The following SLAMF8 variants were observed in gnomAD, a reference collection of about 807,000 sequenced individuals.
SLAMF8 encodes the protein B lymphocyte activator macrophage expressed.
Under a neutral mutation model 29.0 loss-of-function variants are expected in SLAMF8, and 23 were observed. That is an observed-to-expected ratio of 0.79 (90% CI 0.57 to 1.13). The LOEUF (loss-of-function observed/expected upper bound fraction) is 1.13, where lower values mean the gene tolerates loss of function less well. Ranked by LOEUF, SLAMF8 falls within the 50% of genes most tolerant of loss-of-function variation. The pLI is 0.00. For missense variants in SLAMF8, 381 were observed against 353.1 expected, an observed-to-expected ratio of 1.08 and a Z score of -0.63; for synonymous variants, 139 against 145.6, an observed-to-expected ratio of 0.96 and a Z score of 0.32.
chr1:159,830,233 A>G, intron 2 of SLAMF8, 41 bp downstream of exon 2: 2 of 1,523,160 alleles, frequency 1.3e-6, no homozygotes, highest in South Asian at 1.3e-5. Flanking sequence ...CTCTTCCCCC[A>G]CAAAGCACCA....
chr1:159,827,531 G>A (rs541555131), intron 1 of SLAMF8, among the ~76,000 whole-genome samples: 55 of 152,286 alleles, frequency 3.6e-4, no homozygotes, highest in African/African-American at 9.4e-4. Context: ...CACACCGGGC[G>A]ATCCCTCTAT....
rs575765716 is a variant in SLAMF8 at position 159,827,015 on chromosome 1, C to A, written c.40+77C>A. On this transcript the variant is annotated intron_variant, in intron 1 of 4. Coordinates refer to ENST00000289707, the MANE Select transcript of SLAMF8 (RefSeq NM_020125.3). ...CAGCTGCCTATGCCAGACGTCTGGG[C>A]AGGGATCCCTCGACCTGGGTGAGAA... 199 of 1,571,198 alleles carry A rather than the reference C, an allele frequency of 1.3e-4. 1 individual carries two copies. Among genetic ancestry groups the A allele is most frequent in the Admixed American group, 8.9e-4 (52 of 58,564 alleles).
At chr1:159,827,520 C>T (rs550250230) in intron 1 of SLAMF8, among the ~76,000 whole-genome samples, 1 of 152,292 alleles carries the variant, frequency 6.6e-6, no homozygotes, top group African/African-American at 2.4e-5. Context: ...GGGGTCTCCT[C>T]CACACCGGGC....
intron 1 of SLAMF8, among the ~76,000 whole-genome samples, chr1:159,827,739 C>T (rs1388930789): frequency 6.6e-6 from 1 of 152,172 alleles, no homozygotes; most frequent in Non-Finnish European, 1.5e-5. Context: ...AGCTCCAAAG[C>T]CTGCAGATTT....
At position 159,830,003 on chromosome 1, in the gene SLAMF8, C is replaced by A. The variant is rs1245565305; in HGVS notation, c.178C>A (p.Leu60Met). Residue 60 changes from leucine (L) to methionine (M), a missense_variant, in exon 2 of 5, where the codon CTG becomes ATG. Leu to Met is a conservative substitution (Grantham distance 15, BLOSUM62 2). Transcript: ENST00000289707. ...ATCTCTCTGGCCTTCAGAAGAGCTCCTGGCCACGTTTTTCCGAGGCTCCCT... is the reference window on the plus strand; with the variant it reads ...ATCTCTCTGGCCTTCAGAAGAGCTCATGGCCACGTTTTTCCGAGGCTCCCT... ...WRSLWPSEEL[L>M]ATFFRGSLET... 6.2e-6 allele frequency: 10 copies of A among 1,614,124 alleles called. No homozygotes were observed. Among genetic ancestry groups the A allele is most frequent in the African/African-American group, 1.3e-5 (1 of 74,950 alleles).
In SLAMF8 at chr1:159,835,319, C is replaced by T. The variant is rs931695063; in HGVS notation, c.*59C>T. The T allele has an allele frequency of 1.2e-4, 189 of 1,578,246 alleles. No homozygotes were observed. In the Middle Eastern group the frequency reaches 1.5e-3, roughly 13 times the overall value. On this transcript the variant is annotated 3_prime_UTR_variant, in exon 5 of 5. Transcript: ENST00000289707. ...AACCCCACTGCACAGGCACACGATG[C>T]TCTGGGACATAACTGGTGCCTGGAA...
In SLAMF8 at chr1:159,836,156, CTG is replaced by C. The variant is rs1647913084; in HGVS notation, c.*897_*898del. The C allele has an allele frequency of 1.0e-6, 1 of 985,218 alleles. No homozygotes were observed. The highest frequency in any genetic ancestry group is 1.2e-6 in the Non-Finnish European group (1 of 829,838). 61.0% of individuals were successfully genotyped at this position (985,218 alleles called of 1,614,324 possible). ...TCAGGATGAGTCTTCCTGCCTGAAA[CTG>C]AGAGAGTGAAGAACCATAAAACGCT... On this transcript the variant is annotated 3_prime_UTR_variant, in exon 5 of 5. Transcript: ENST00000289707.
Position 159,835,689 on chromosome 1 carries a change from G to C in SLAMF8, c.*429G>C. On this transcript the variant is annotated 3_prime_UTR_variant, in exon 5 of 5. Transcript: ENST00000289707. ...AAGATATTACATATTTGAACTAATA[G>C]AGGAACTCTGAGTCACCCATGCCAG... is the stretch of plus-strand genomic sequence containing the variant. 1.0e-6 allele frequency: 1 copy of C among 988,308 alleles called. No homozygotes were observed. The highest frequency in any genetic ancestry group is 1.2e-6 in the Non-Finnish European group (1 of 831,848). The allele number at this position is 988,308 out of a possible 1,614,324, so 61.2% of individuals were successfully genotyped here.
chr1:159,830,794 G>A (rs1335396380), intron 2 of SLAMF8, among the ~76,000 whole-genome samples: 1 of 152,206 alleles, frequency 6.6e-6, no homozygotes, highest in Non-Finnish European at 1.5e-5. Flanking sequence ...GGGCTTCTTA[G>A]AGAGATCTTA....
chr1:159,835,288 A>G lies in SLAMF8; in HGVS notation c.*28A>G, dbSNP rs1647832168. ...GACAATATGAACTGATGCCTGGACT[A>G]TCAGTAACCCCACTGCACAGGCACA... On this transcript the variant is annotated 3_prime_UTR_variant, in exon 5 of 5. Transcript: ENST00000289707. 12 of 1,608,852 alleles carry G rather than the reference A, an allele frequency of 7.5e-6. No homozygotes were observed. The East Asian group carries it at 8.9e-5, about 12-fold the overall frequency.
Position 159,836,038 on chromosome 1 carries a change from C to T in SLAMF8, c.*778C>T. On this transcript the variant is annotated 3_prime_UTR_variant, in exon 5 of 5. Transcript: ENST00000289707. ...TGGGAGTGAGGGTGGAGAGTCTTTCCTCACGCTCCAGCACAGTGGCCAGGA... is the reference window on the plus strand; with the variant it reads ...TGGGAGTGAGGGTGGAGAGTCTTTCTTCACGCTCCAGCACAGTGGCCAGGA... The T allele has an allele frequency of 1.0e-6, 1 of 985,464 alleles. No homozygotes were observed. The highest frequency in any genetic ancestry group is 1.2e-6 in the Non-Finnish European group (1 of 829,956). The allele number at this position is 985,464 out of a possible 1,614,324, so 61.0% of individuals were successfully genotyped here. A position where few individuals can be genotyped will look rare whatever the true frequency, so the allele number is the denominator to read the frequency against.
In SLAMF8 at chr1:159,826,892, G is replaced by A. The variant is rs1386198893; in HGVS notation, c.-7G>A. The A allele has an allele frequency of 1.2e-6, 2 of 1,614,088 alleles. No homozygotes were observed. The highest frequency in any genetic ancestry group is 8.5e-7 in the Non-Finnish European group (1 of 1,179,982). ...TCGAGGGAGTTTGCCTGCCTCTCCA[G>A]AGAAAGATGGTCATGAGGCCCCTGT... On this transcript the variant is annotated 5_prime_UTR_variant, in exon 1 of 5. Transcript: ENST00000289707.
At position 159,836,342 on chromosome 1, in the gene SLAMF8, A is replaced by AG; in HGVS notation, c.*1082_*1083insG. The AG allele has an allele frequency of 1.0e-6, 1 of 985,318 alleles. No homozygotes were observed. The highest frequency in any genetic ancestry group is 6.1e-5 in the Admixed American group (1 of 16,284). 61.0% of individuals were successfully genotyped at this position (985,318 alleles called of 1,614,324 possible). A position where few individuals can be genotyped will look rare whatever the true frequency, so the allele number is the denominator to read the frequency against. On this transcript the variant is annotated 3_prime_UTR_variant, in exon 5 of 5. Transcript: ENST00000289707. ...GGACTGTAGAGGTCACTCTGACTCC[A>AG]TCAAACTTTTTATTGTGGCCATCTT...
At chr1:159,832,334 G>T (rs531732118) in intron 2 of SLAMF8, among the ~76,000 whole-genome samples, 6 of 152,306 alleles carry the variant, frequency 3.9e-5, no homozygotes, top group African/African-American at 1.4e-4. Flanking sequence ...CTAGGAATGT[G>T]TTTGTTTTCT....
chr1:159,829,636 T>C (rs1178734705), intron 1 of SLAMF8, among the ~76,000 whole-genome samples: 1 of 152,234 alleles, frequency 6.6e-6, no homozygotes, highest in Non-Finnish European at 1.5e-5. Flanking sequence ...ACAGAATTCA[T>C]TTTTATTGAT....
intron 1 of SLAMF8, among the ~76,000 whole-genome samples, chr1:159,828,911 C>T (rs1014201566): frequency 1.3e-5 from 2 of 152,178 alleles, no homozygotes; most frequent in African/African-American, 4.8e-5. Context: ...CCCAAAACAG[C>T]ATCTTGCTTT....
At chr1:159,827,402 C>A (rs1557886068) in intron 1 of SLAMF8, among the ~76,000 whole-genome samples, 1 of 152,074 alleles carries the variant, frequency 6.6e-6, no homozygotes. Flanking sequence ...TCCCTACAGG[C>A]CTTTATAAGG....
At position 159,836,385 on chromosome 1, in the gene SLAMF8, C is replaced by T. The variant is rs546934932; in HGVS notation, c.*1125C>T. ...GCCATCTTAGGAAAATACATTCTGC[C>T]CCTGAATGATTCTGTCTAGAAAAGC... On this transcript the variant is annotated 3_prime_UTR_variant, in exon 5 of 5. Transcript: ENST00000289707. 8 of 985,334 alleles carry T rather than the reference C, an allele frequency of 8.1e-6. No homozygotes were observed. In the African/African-American group the frequency reaches 1.4e-4, roughly 17 times the overall value. The allele number at this position is 985,334 out of a possible 1,614,324, so 61.0% of individuals were successfully genotyped here.
At chr1:159,830,315 C>T (rs41264824) in intron 2 of SLAMF8, 123 bp downstream of exon 2, 154,180 of 1,076,000 alleles carry the variant, frequency 0.14, 12,194 homozygotes, top group African/African-American at 0.21. Context: ...ACCATGTTGC[C>T]GACTCAGGGA....
Sources: gnomAD v4.1 joint callset for allele counts (sites outside exome capture counted in the v4.1 genomes callset) on GRCh38, gnomAD v4.1.1 for gene constraint, MANE v1.5 for transcripts, NCBI Gene and HGNC (gene_info 2026-07-23, HGNC 2026-07-21) for gene names.